C7: variants seen among roughly 807,000 people sequenced by gnomAD.
C7 encodes the protein complement C7.
In C7, 83 loss-of-function variants were observed where a neutral mutation model predicts 104.8. The ratio of observed to expected loss-of-function variants is 0.79; its 90% CI spans 0.66 to 0.95. C7 has a LOEUF of 0.95. C7 is among the 40% of genes least tolerant of loss of function. The probability of loss-of-function intolerance (pLI) is 0.00; values close to 1 mark genes in which losing one functional copy is unlikely to be tolerated. For missense variants in C7, 1,070 were observed against 1,011.2 expected (o/e 1.06, Z -0.79); for synonymous variants, 415 against 360.6 (o/e 1.15, Z -1.71).
rs763847484 is a variant in C7 at position 40,933,584 on chromosome 5, G to A, written c.139-741G>A. Among the ~76,000 whole-genome samples the A allele has an allele frequency of 9.9e-5, 15 of 152,180 alleles. No homozygotes were observed. The South Asian group carries it at 2.5e-3, about 25-fold the overall frequency. On this transcript the variant is annotated intron_variant, in intron 3 of 17. Coordinates refer to ENST00000313164, the MANE Select transcript of C7 (RefSeq NM_000587.4). ...TTCCCTCAAGAGGTTTGTATTTTAC[G>A]TATTCCTTTGTAGATGTAGCTTCAC...
intron 16 of C7, among the ~76,000 whole-genome samples, chr5:40,979,077 G>A (rs1345587444): frequency 6.6e-6 from 1 of 151,606 alleles, no homozygotes. Flanking sequence ...ATGGGGTTTC[G>A]CCATGTTAGC....
rs186970328 is a variant in C7, at chr5:40,983,261, G to A, written c.*1688G>A. On this transcript the variant is annotated 3_prime_UTR_variant, in exon 18 of 18. Transcript: ENST00000313164. ...AAAGGTTGAACAAGTAATTCATTTGGAAGGAAATACCTCAGTATCCTTCCA... is the reference window on the plus strand; with the variant it reads ...AAAGGTTGAACAAGTAATTCATTTGAAAGGAAATACCTCAGTATCCTTCCA... Among the ~76,000 whole-genome samples, 310 of 152,316 alleles carry A rather than the reference G, an allele frequency of 2.0e-3. 1 individual carries two copies. Among genetic ancestry groups the A allele is most frequent in the Non-Finnish European group, 3.7e-3 (251 of 68,032 alleles).
chr5:40,946,460 G>A (rs1448302195), intron 7 of C7, among the ~76,000 whole-genome samples: 1 of 152,152 alleles, frequency 6.6e-6, no homozygotes, highest in Non-Finnish European at 1.5e-5. Flanking sequence ...ATGGAGCTAT[G>A]AGTTGTAAAA....
At position 40,955,434 on chromosome 5, in the gene C7, G is replaced by T. The variant is rs1380536844; in HGVS notation, c.1141G>T (p.Gly381Cys). Residue 381 changes from glycine to cysteine, a missense_variant, in exon 10 of 18, where the codon GGT (glycine) becomes TGT (cysteine). Gly to Cys is a radical substitution (Grantham distance 159). Coordinates refer to ENST00000313164, the MANE Select transcript of C7 (RefSeq NM_000587.4). ...LRGEPFIRGG[G>C]AGFISGLSYL... ...AGGAGAACCGTTCATCAGAGGGGGAGGTGCAGGCTTCATATCTGGCCTTAG... is the reference window on the plus strand; with the variant it reads ...AGGAGAACCGTTCATCAGAGGGGGATGTGCAGGCTTCATATCTGGCCTTAG... 4 of 1,612,354 alleles carry T rather than the reference G, an allele frequency of 2.5e-6. No individual in the cohort carries two copies. The Admixed American group carries it at 5.0e-5, about 20-fold the overall frequency.
intron 9 of C7, among the ~76,000 whole-genome samples, chr5:40,952,793 A>T (rs889615369): frequency 6.6e-6 from 1 of 152,094 alleles, no homozygotes; most frequent in Non-Finnish European, 1.5e-5. Context: ...TGGCACATAT[A>T]CACCATGAAA....
chr5:40,956,962 A>T (rs1008354725), intron 10 of C7, among the ~76,000 whole-genome samples: 3 of 152,242 alleles, frequency 2.0e-5, no homozygotes, highest in African/African-American at 7.2e-5. Context: ...GTACTTTTCC[A>T]CATAGGACTA....
At chr5:40,954,089 G>T (rs1030608468) in intron 9 of C7, among the ~76,000 whole-genome samples, 1 of 152,002 alleles carries the variant, frequency 6.6e-6, no homozygotes, top group Non-Finnish European at 1.5e-5. Context: ...GCACATAAAT[G>T]GAAAAGAAGC....
Position 40,945,424 on chromosome 5 carries a change from A to C in C7, c.738+56A>C, listed in dbSNP as rs141089932. 2.1e-3 allele frequency: 2,325 copies of C among 1,128,594 alleles called. 25 individuals are homozygous for C. The African/African-American group carries it at 0.027, about 13-fold the overall frequency. 69.9% of individuals were successfully genotyped at this position (1,128,594 alleles called of 1,614,324 possible). ...TGTTTTACTTTTTTAAGTATTGCTTACATTAATAAACTTGTATTTATCAAA... is the reference window on the plus strand; with the variant it reads ...TGTTTTACTTTTTTAAGTATTGCTTCCATTAATAAACTTGTATTTATCAAA... On this transcript the variant is annotated intron_variant, in intron 7 of 17. Coordinates refer to ENST00000313164, the MANE Select transcript of C7 (RefSeq NM_000587.4).
chr5:40,949,835 A>G (rs932674823), intron 8 of C7, 69 bp from the exon 9 acceptor site: 6 of 930,916 alleles, frequency 6.4e-6, no homozygotes, highest in Admixed American at 4.0e-5. Flanking sequence ...TCTTATCCCT[A>G]CTCTCATATC....
intron 6 of C7, among the ~76,000 whole-genome samples, chr5:40,937,938 A>T (rs1739851682): frequency 6.6e-6 from 1 of 152,160 alleles, no homozygotes; most frequent in Non-Finnish European, 1.5e-5. Flanking sequence ...CATGTTCTAT[A>T]TAGGCCCAAG....
At position 40,947,616 on chromosome 5, in the gene C7, G is replaced by C. The variant is rs777896262; in HGVS notation, c.753G>C (p.Leu251=). ...TCTTTCCACAGAGTTACCAACTGCT[G>C]GTTGTTGAGAACACTGTTGAAGTGG... ...EIHKGKSYQL[L]VVENTVEVAQ... The change falls in exon 8 of 18, where the codon CTG becomes CTC. Residue 251 remains leucine, a synonymous_variant. Coordinates refer to ENST00000313164, the MANE Select transcript of C7 (RefSeq NM_000587.4). The C allele has an allele frequency of 1.2e-6, 2 of 1,613,182 alleles. No individual in the cohort carries two copies. Among genetic ancestry groups the C allele is most frequent in the Non-Finnish European group, 1.7e-6 (2 of 1,179,576 alleles).
Position 40,937,560 on chromosome 5 carries a change from A to G in C7, c.437A>G (p.Glu146Gly), listed in dbSNP as rs759690489. The G allele has an allele frequency of 6.2e-6, 10 of 1,607,752 alleles. No homozygotes were observed. The highest frequency in any genetic ancestry group is 8.5e-6 in the Non-Finnish European group (10 of 1,177,582). The change falls in exon 6 of 18, where the codon GAA (glutamate) becomes GGA (glycine). Residue 146 changes from glutamate (E) to glycine (G), a missense_variant. Glu to Gly is a moderately conservative substitution (Grantham distance 98). Transcript: ENST00000313164. ...CCTCCTCCTTTTAACAGTTACAATG[A>G]ACTCACTGGCCAGTTTAGGAACAGA... The part of the protein sequence containing the change: ...NIELTGNGYN[E>G]LTGQFRNRVI...
chr5:40,977,767 GAGTGGAA>G (rs1228721930), intron 16 of C7, among the ~76,000 whole-genome samples: 1 of 152,108 alleles, frequency 6.6e-6, no homozygotes, highest in Non-Finnish European at 1.5e-5. Context: ...AGGTGGAGAA[GAGTGGAA>G]AGTGGATCTG....
intron 14 of C7, among the ~76,000 whole-genome samples, chr5:40,965,652 T>TTA (rs1185663521): frequency 7.4e-6 from 1 of 134,598 alleles, no homozygotes; most frequent in Non-Finnish European, 1.5e-5. Flanking sequence ...ATATATATTT[T>TTA]TTTTTTGGAG....
At chr5:40,974,107 T>TG (rs5867529) in intron 15 of C7, among the ~76,000 whole-genome samples, 89,954 of 151,942 alleles carry the variant, frequency 0.59, 27,354 homozygotes, top group African/African-American at 0.75. Context: ...TTTAAATGTA[T>TG]GTTCAGTGGC....
At chr5:40,965,648 A>ATTTTT (rs1554043910) in intron 14 of C7, among the ~76,000 whole-genome samples, 5,581 of 130,118 alleles carry the variant, frequency 0.043, 205 homozygotes, top group East Asian at 0.16. Flanking sequence ...ATATATATAT[A>ATTTTT]TTTTTTTTTT....
intron 12 of C7, among the ~76,000 whole-genome samples, chr5:40,959,900 C>T (rs2111669837): frequency 6.6e-6 from 1 of 152,198 alleles, no homozygotes; most frequent in South Asian, 2.1e-4. Flanking sequence ...TGCTGTGTGA[C>T]CTTGGGCAAG....
rs200322163 is a variant in C7 at position 40,945,274 on chromosome 5, A to G, written c.644A>G (p.His215Arg). Residue 215 changes from histidine to arginine, a missense_variant, in exon 7 of 18, where the codon CAC becomes CGC. His to Arg is a conservative substitution (Grantham distance 29). Coordinates refer to ENST00000313164, the MANE Select transcript of C7 (RefSeq NM_000587.4). ...TATGTAAAACATACGTCGACAGAAC[A>G]CACATCATCTAGTCGGAAGCGCTCC... The part of the protein sequence containing the change: ...WSYVKHTSTE[H>R]TSSSRKRSFF... 3.8e-6 allele frequency: 6 copies of G among 1,597,776 alleles called. No homozygotes were observed. The highest frequency in any genetic ancestry group is 5.1e-6 in the Non-Finnish European group (6 of 1,168,732).
chr5:40,926,448 A>G (rs1739553935), intron 1 of C7, among the ~76,000 whole-genome samples: 1 of 152,222 alleles, frequency 6.6e-6, no homozygotes, highest in African/African-American at 2.4e-5. Flanking sequence ...AATGAAAGGC[A>G]TTAAAATAGA....
Sources: allele counts gnomAD v4.1 joint callset (sites outside exome capture counted in the v4.1 genomes callset), GRCh38; gene constraint gnomAD v4.1.1; transcripts MANE v1.5; gene names NCBI Gene and HGNC (gene_info 2026-07-23, HGNC 2026-07-21).